Variants in PTPRD observed in about 807,000 individuals in gnomAD.
PTPRD encodes receptor-type tyrosine-protein phosphatase delta.
A neutral mutation model predicts 214.5 loss-of-function variants in PTPRD; 34 were observed. The observed-to-expected ratio is 0.16, with a 90% CI of 0.12 to 0.21. The LOEUF is 0.21. PTPRD is among the 10% of genes least tolerant of loss of function. The pLI is 1.00. For missense variants in PTPRD, 2,545 were observed against 2,398.7 expected (o/e 1.06, Z -1.27); for synonymous variants, 1,128 against 845.7 (o/e 1.33, Z -5.79).
At chr9:9,759,414 C>A (rs1430033088) in intron 6 of PTPRD, among the ~76,000 whole-genome samples, 2 of 152,102 alleles carry the variant, frequency 1.3e-5, no homozygotes, top group African/African-American at 4.8e-5. Context: ...AGCTGAGGAG[C>A]CTCCCAGTCC....
At chr9:8,420,460 G>C (rs2094276610) in intron 35 of PTPRD, among the ~76,000 whole-genome samples, 1 of 152,102 alleles carries the variant, frequency 6.6e-6, no homozygotes, top group Non-Finnish European at 1.5e-5. Context: ...CCATTTGGGA[G>C]AAATGAGCAG....
At chr9:8,323,113 G>A (rs1356056552) in intron 44 of PTPRD, among the ~76,000 whole-genome samples, 1 of 152,142 alleles carries the variant, frequency 6.6e-6, no homozygotes, top group Non-Finnish European at 1.5e-5. Context: ...AAGAAAGAAT[G>A]GATGATAAGA....
intron 2 of PTPRD, among the ~76,000 whole-genome samples, chr9:10,360,832 G>T (rs533677705): frequency 6.6e-6 from 1 of 152,184 alleles, no homozygotes; most frequent in Admixed American, 6.5e-5. Context: ...GCCAGGCGCG[G>T]TGGCTCACGC....
intron 7 of PTPRD, among the ~76,000 whole-genome samples, chr9:9,621,265 A>T (rs1347738632): frequency 1.3e-5 from 2 of 152,194 alleles, no homozygotes; most frequent in African/African-American, 4.8e-5. Flanking sequence ...AGAACATCTC[A>T]TCTATTTTTA....
chr9:8,619,199 T>C (rs554273309), intron 14 of PTPRD, among the ~76,000 whole-genome samples: 3 of 152,226 alleles, frequency 2.0e-5, no homozygotes, highest in Admixed American at 1.3e-4. Flanking sequence ...ACCACTTTTG[T>C]GTTTGAGAAT....
chr9:9,701,765 A>G (rs1322840553), intron 7 of PTPRD, among the ~76,000 whole-genome samples: 1 of 152,202 alleles, frequency 6.6e-6, no homozygotes, highest in African/African-American at 2.4e-5. Context: ...TTGGGAGTCT[A>G]CACGAGAGTT....
chr9:9,039,202 G>T (rs757650753), intron 10 of PTPRD, among the ~76,000 whole-genome samples: 11 of 152,112 alleles, frequency 7.2e-5, no homozygotes, highest in Non-Finnish European at 1.5e-4. Flanking sequence ...GAATATAATT[G>T]AAGTTATTTG....
At chr9:10,394,814 T>C (rs192179680) in intron 2 of PTPRD, among the ~76,000 whole-genome samples, 60 of 151,968 alleles carry the variant, frequency 3.9e-4, no homozygotes, top group African/African-American at 1.4e-3. Context: ...CTTTACAAAA[T>C]AAAATTAGAA....
At chr9:8,996,264 C>A (rs960288697) in intron 11 of PTPRD, among the ~76,000 whole-genome samples, 5 of 151,972 alleles carry the variant, frequency 3.3e-5, no homozygotes, top group African/African-American at 9.7e-5. Context: ...TACATCCATA[C>A]CTGGAATGCT....
intron 9 of PTPRD, among the ~76,000 whole-genome samples, chr9:9,335,487 T>C (rs2044083453): frequency 4.6e-5 from 7 of 152,110 alleles, no homozygotes; most frequent in Admixed American, 4.6e-4. Context: ...TCTTTTCACT[T>C]GTATATTAAG....
intron 5 of PTPRD, among the ~76,000 whole-genome samples, chr9:9,916,886 A>G (rs181045562): frequency 9.9e-5 from 15 of 152,066 alleles, no homozygotes; most frequent in Non-Finnish European, 1.5e-4. Flanking sequence ...ATTGATCACA[A>G]TAGAATAAAA....
At chr9:8,928,074 TA>T (rs1298973476) in intron 11 of PTPRD, among the ~76,000 whole-genome samples, 1 of 152,198 alleles carries the variant, frequency 6.6e-6, no homozygotes, top group Non-Finnish European at 1.5e-5. Flanking sequence ...GTAAATTTGT[TA>T]AAATTATTTG....
intron 7 of PTPRD, among the ~76,000 whole-genome samples, chr9:9,669,404 T>C (rs930632781): frequency 6.6e-6 from 1 of 152,178 alleles, no homozygotes; most frequent in African/African-American, 2.4e-5. Flanking sequence ...AAATTGATAT[T>C]ATTGAAAGAA....
chr9:9,741,316 C>T (rs10977942), intron 6 of PTPRD, among the ~76,000 whole-genome samples: 6,194 of 151,552 alleles, frequency 0.041, 732 homozygotes, highest in East Asian at 0.4. Context: ...AATTAATAAC[C>T]AATAATAGAT....
At chr9:9,612,452 C>A (rs532204758) in intron 7 of PTPRD, among the ~76,000 whole-genome samples, 4 of 152,120 alleles carry the variant, frequency 2.6e-5, no homozygotes, top group Non-Finnish European at 5.9e-5. Context: ...GCAGTTTGCA[C>A]CTGTTGTTTT....
At chr9:8,322,220 C>T (rs1829085827) in intron 44 of PTPRD, among the ~76,000 whole-genome samples, 1 of 151,926 alleles carries the variant, frequency 6.6e-6, no homozygotes, top group African/African-American at 2.4e-5. Flanking sequence ...GTTAATAACC[C>T]TACAATGGCC....
intron 5 of PTPRD, among the ~76,000 whole-genome samples, chr9:9,878,742 T>C (rs1034593614): frequency 1.3e-5 from 2 of 152,204 alleles, no homozygotes; most frequent in Non-Finnish European, 2.9e-5. Flanking sequence ...AATTGTTAGA[T>C]ACTTCCTGCC....
chr9:8,542,353 T>C (rs2140256153), intron 14 of PTPRD, among the ~76,000 whole-genome samples: 1 of 152,118 alleles, frequency 6.6e-6, no homozygotes, highest in South Asian at 2.1e-4. Context: ...TTATTTAGGA[T>C]AGTACCGAGA....
intron 14 of PTPRD, among the ~76,000 whole-genome samples, chr9:8,544,059 A>G (rs1275454154): frequency 6.6e-6 from 1 of 151,592 alleles, no homozygotes; most frequent in Non-Finnish European, 1.5e-5. Context: ...AGCCCACCAT[A>G]GTACTGGTTT....
Sources: gnomAD v4.1 joint callset for allele counts (sites outside exome capture counted in the v4.1 genomes callset) on GRCh38, gnomAD v4.1.1 for gene constraint, MANE v1.5 for transcripts, NCBI Gene and HGNC (gene_info 2026-07-23, HGNC 2026-07-21) for gene names.